The following NCAM2 variants were observed in gnomAD, a reference collection of about 807,000 sequenced individuals.
The protein encoded by NCAM2 is neural cell adhesion molecule 2, also known as N-CAM-2.
NCAM2 carries 30 observed loss-of-function variants against 98.1 expected under a neutral mutation model. The ratio of observed to expected loss-of-function variants is 0.31; its 90% confidence interval spans 0.23 to 0.41. The LOEUF is 0.41. Among genes scored for constraint, NCAM2 ranks in the 10% least tolerant of loss-of-function variants. NCAM2 has a pLI of 1.00. For missense variants in NCAM2, 867 were observed against 1,005.8 expected (o/e 0.86, Z 1.87); for synonymous variants, 368 against 342.4 (o/e 1.07, Z -0.83).
At chr21:21,419,149 C>T (rs1486125698) in intron 11 of NCAM2, among the ~76,000 whole-genome samples, 1 of 151,926 alleles carries the variant, frequency 6.6e-6, no homozygotes, top group Non-Finnish European at 1.5e-5. Context: ...ATACAGATTG[C>T]TTTTTATAAA....
intron 1 of NCAM2, among the ~76,000 whole-genome samples, chr21:21,188,400 G>A (rs771922330): frequency 3.9e-5 from 6 of 152,110 alleles, no homozygotes; most frequent in South Asian, 2.1e-4. Flanking sequence ...TTACATATCC[G>A]TGAAAGTTAT....
intron 1 of NCAM2, among the ~76,000 whole-genome samples, chr21:21,263,986 A>G (rs776215420): frequency 2.0e-5 from 3 of 152,140 alleles, no homozygotes; most frequent in Admixed American, 6.6e-5. Context: ...AAAACCAAAA[A>G]TAGACAAATG....
intron 11 of NCAM2, among the ~76,000 whole-genome samples, chr21:21,425,245 T>G (rs888414993): frequency 1.1e-4 from 17 of 151,616 alleles, no homozygotes; most frequent in Admixed American, 7.9e-4. Context: ...ACATGTACCC[T>G]AAAATTTAAA....
At chr21:21,177,467 CA>C (rs1309972523) in intron 1 of NCAM2, among the ~76,000 whole-genome samples, 11 of 152,080 alleles carry the variant, frequency 7.2e-5, no homozygotes, top group Admixed American at 1.3e-4. Context: ...TTAGCATTAC[CA>C]AATGCACCTG....
At chr21:21,147,623 CTAA>C (rs1412030481) in intron 1 of NCAM2, among the ~76,000 whole-genome samples, 1 of 149,836 alleles carries the variant, frequency 6.7e-6, no homozygotes, top group Admixed American at 6.7e-5. Flanking sequence ...TATACATACA[CTAA>C]TAAGTATCAA....
chr21:21,295,831 CTG>C lies in NCAM2; in HGVS notation c.619+3592_619+3593del, dbSNP rs1473221533. On this transcript the variant is annotated intron_variant, in intron 5 of 17. Transcript: ENST00000400546. ...ACAAATGCAAAACTAGTGCTTTTGTCTGTTTCTCTCTCTCTCTCTCTCTCTGT... is the reference window on the plus strand; with the variant it reads ...ACAAATGCAAAACTAGTGCTTTTGTCTTTCTCTCTCTCTCTCTCTCTCTGT... 1.4e-4 allele frequency among the ~76,000 whole-genome samples: 18 copies of C among 126,086 alleles called. No homozygotes were observed. In the East Asian group the frequency reaches 3.9e-3, roughly 27 times the overall value. 82.7% of individuals were successfully genotyped at this position (126,086 alleles called of 152,430 possible).
chr21:21,268,554 G>A (rs1259730817), intron 1 of NCAM2, among the ~76,000 whole-genome samples: 1 of 152,108 alleles, frequency 6.6e-6, no homozygotes. Flanking sequence ...CCAGAAAATT[G>A]TGAGCTCCAA....
chr21:21,245,528 T>C (rs978389449), intron 1 of NCAM2, among the ~76,000 whole-genome samples: 2 of 152,166 alleles, frequency 1.3e-5, no homozygotes, highest in East Asian at 1.9e-4. Context: ...GCCAGACGTG[T>C]CCACTCAGGA....
chr21:21,265,462 T>C (rs1349284214), intron 1 of NCAM2, among the ~76,000 whole-genome samples: 1 of 142,066 alleles, frequency 7.0e-6, no homozygotes, highest in African/African-American at 2.6e-5. Flanking sequence ...ATATATAATA[T>C]ATGTGTGTAT....
Position 21,335,605 on chromosome 21 carries a change from G to A in NCAM2, c.838G>A (p.Val280Ile). The A allele has an allele frequency of 6.2e-7, 1 of 1,612,140 alleles. No individual in the cohort carries two copies. Among genetic ancestry groups the A allele is most frequent in the Non-Finnish European group, 8.5e-7 (1 of 1,179,026 alleles). ...AATCAATAGTGATGGTGGTCCTTAT[G>A]TCTGCAGGGCCACAAATAAGGCAGG... ...NIINSDGGPY[V>I]CRATNKAGED... Residue 280 changes from valine to isoleucine, a missense_variant, in exon 7 of 18, where the codon GTC (valine) becomes ATC (isoleucine). Coordinates refer to ENST00000400546, the MANE Select transcript of NCAM2 (RefSeq NM_004540.5).
chr21:21,030,815 A>G (rs2064666248), intron 1 of NCAM2, among the ~76,000 whole-genome samples: 1 of 152,206 alleles, frequency 6.6e-6, no homozygotes, highest in Admixed American at 6.5e-5. Flanking sequence ...AAACACAGCA[A>G]CTGACTTTGT....
At chr21:21,484,636 C>T (rs1986189070) in intron 15 of NCAM2, among the ~76,000 whole-genome samples, 1 of 152,058 alleles carries the variant, frequency 6.6e-6, no homozygotes, top group African/African-American at 2.4e-5. Context: ...CAAGGCTTAT[C>T]TAAAATTATA....
At chr21:21,006,159 A>G (rs918953272) in intron 1 of NCAM2, among the ~76,000 whole-genome samples, 1 of 152,124 alleles carries the variant, frequency 6.6e-6, no homozygotes, top group Admixed American at 6.5e-5. Context: ...GATGCATCTT[A>G]TCTTGTTACA....
chr21:21,331,708 G>A (rs1027489921), intron 6 of NCAM2, among the ~76,000 whole-genome samples: 1 of 138,272 alleles, frequency 7.2e-6, no homozygotes, highest in African/African-American at 2.7e-5. Flanking sequence ...TCCTGCCTCA[G>A]CCTTCGAGTA....
intron 1 of NCAM2, among the ~76,000 whole-genome samples, chr21:21,164,167 A>C (rs1408993515): frequency 1.3e-5 from 2 of 152,164 alleles, no homozygotes; most frequent in African/African-American, 4.8e-5. Context: ...GGCTGGGCAA[A>C]CTCAGCCTTA....
At chr21:21,241,793 G>C (rs1439375627) in intron 1 of NCAM2, among the ~76,000 whole-genome samples, 2 of 152,000 alleles carry the variant, frequency 1.3e-5, no homozygotes, top group African/African-American at 4.8e-5. Flanking sequence ...TCTGCATAGA[G>C]AACATTTTGG....
intron 1 of NCAM2, among the ~76,000 whole-genome samples, chr21:21,126,641 CTAA>C (rs2066831597): frequency 6.6e-6 from 1 of 151,838 alleles, no homozygotes; most frequent in Non-Finnish European, 1.5e-5. Flanking sequence ...TTAATAAAAT[CTAA>C]TAATGCAAGT....
chr21:21,515,131 C>G (rs1448147146), intron 16 of NCAM2, among the ~76,000 whole-genome samples: 1 of 152,120 alleles, frequency 6.6e-6, no homozygotes, highest in Non-Finnish European at 1.5e-5. Context: ...CTATTTTAAG[C>G]AACAAGCCAA....
chr21:21,440,540 G>T (rs567795751), intron 12 of NCAM2, among the ~76,000 whole-genome samples: 1 of 151,972 alleles, frequency 6.6e-6, no homozygotes, highest in African/African-American at 2.4e-5. Flanking sequence ...AATTAGCTGG[G>T]TGTGGTGGCA....
Sources: gnomAD v4.1 joint callset for allele counts (sites outside exome capture counted in the v4.1 genomes callset) on GRCh38, gnomAD v4.1.1 for gene constraint, MANE v1.5 for transcripts, NCBI Gene and HGNC (gene_info 2026-07-23, HGNC 2026-07-21) for gene names.